PRKG1: variants seen among roughly 807,000 people sequenced by gnomAD.
The protein encoded by PRKG1 is cGMP-dependent protein kinase 1.
A neutral mutation model predicts 88.1 loss-of-function variants in PRKG1; 35 were observed. That is an observed-to-expected ratio of 0.40 (90% confidence interval 0.30 to 0.53). PRKG1 has a LOEUF of 0.53. Ranked by LOEUF, PRKG1 falls within the 20% of genes least tolerant of loss-of-function variation. PRKG1 has a pLI of 0.59. For synonymous variants in PRKG1, 303 were observed against 292.5 expected (o/e 1.04, Z -0.37); for missense variants, 540 against 839.8 (o/e 0.64, Z 4.41).
chr10:51,009,593 G>C (rs1240716654), intron 1 of PRKG1, among the ~76,000 whole-genome samples: 1 of 152,118 alleles, frequency 6.6e-6, no homozygotes, highest in South Asian at 2.1e-4. Flanking sequence ...TGAGCTAGTT[G>C]AATAGTCTTA....
chr10:52,175,947 C>T (rs1417160866), intron 9 of PRKG1, among the ~76,000 whole-genome samples: 1 of 152,016 alleles, frequency 6.6e-6, no homozygotes, highest in Non-Finnish European at 1.5e-5. Flanking sequence ...TTTAAGTTAT[C>T]TTTTCACTCT....
Position 51,992,492 on chromosome 10 carries a change from A to AT in PRKG1, c.763-61983dup, listed in dbSNP as rs147993421. ...GTAAGACCTCCGTAAGAACTATAACATTTTTTTTTCCTATTCCCACTTCCC... is the reference window on the plus strand; with the variant it reads ...GTAAGACCTCCGTAAGAACTATAACATTTTTTTTTTCCTATTCCCACTTCCC... On this transcript the variant is annotated intron_variant, in intron 5 of 17. Coordinates refer to ENST00000373980, the MANE Select transcript of PRKG1 (RefSeq NM_006258.4). Among the ~76,000 whole-genome samples, 1,299 of 151,420 alleles carry AT rather than the reference A, an allele frequency of 8.6e-3. 16 individuals are homozygous for AT. Among genetic ancestry groups the AT allele is most frequent in the African/African-American group, 0.029 (1,196 of 41,266 alleles).
intron 2 of PRKG1, among the ~76,000 whole-genome samples, chr10:51,288,723 A>G (rs1252874205): frequency 5.9e-5 from 9 of 152,226 alleles, no homozygotes; most frequent in African/African-American, 1.9e-4. Flanking sequence ...TGAAAAGATT[A>G]CAAAAATGAA....
chr10:51,418,964 G>A (rs887313184), intron 2 of PRKG1, among the ~76,000 whole-genome samples: 12 of 152,232 alleles, frequency 7.9e-5, no homozygotes, highest in East Asian at 3.9e-4. Context: ...TTTTGGGGGC[G>A]AAAGTAATAT....
At chr10:52,278,540 C>T (rs547573938) in intron 12 of PRKG1, among the ~76,000 whole-genome samples, 99 of 152,224 alleles carry the variant, frequency 6.5e-4, no homozygotes, top group Non-Finnish European at 1.0e-3. Context: ...TTCACAATAG[C>T]AAAGACTTGG....
At chr10:52,172,434 A>G (rs550009257) in intron 9 of PRKG1, among the ~76,000 whole-genome samples, 2 of 152,308 alleles carry the variant, frequency 1.3e-5, no homozygotes, top group East Asian at 1.9e-4. Flanking sequence ...TTCTGTGGAT[A>G]CTTTGGTCCT....
chr10:51,100,999 C>A (rs1374583628), intron 1 of PRKG1, among the ~76,000 whole-genome samples: 1 of 152,062 alleles, frequency 6.6e-6, no homozygotes, highest in African/African-American at 2.4e-5. Context: ...AAGTTTTCAC[C>A]AAGGGAGTCT....
intron 17 of PRKG1, among the ~76,000 whole-genome samples, chr10:52,290,727 G>T (rs1341064544): frequency 6.6e-6 from 1 of 151,872 alleles, no homozygotes; most frequent in East Asian, 1.9e-4. Context: ...GTGCTGATGT[G>T]CACCTATAGT....
intron 7 of PRKG1, among the ~76,000 whole-genome samples, chr10:52,110,457 T>C (rs1847536548): frequency 1.3e-5 from 2 of 151,934 alleles, no homozygotes; most frequent in Admixed American, 6.6e-5. Flanking sequence ...GTCTTTTGTT[T>C]TTAGAAAGAT....
intron 5 of PRKG1, among the ~76,000 whole-genome samples, chr10:51,987,740 A>G (rs1206282092): frequency 1.3e-5 from 2 of 152,038 alleles, no homozygotes; most frequent in Non-Finnish European, 2.9e-5. Flanking sequence ...AATATCTCCC[A>G]TAATTTCATG....
At chr10:52,104,624 C>G (rs1847372558) in intron 7 of PRKG1, among the ~76,000 whole-genome samples, 2 of 152,084 alleles carry the variant, frequency 1.3e-5, no homozygotes, top group Non-Finnish European at 2.9e-5. Context: ...ATACATGGTG[C>G]AAAGAGATGG....
At position 52,155,865 on chromosome 10, in the gene PRKG1, A is replaced by G. The variant is rs150798589; in HGVS notation, c.1002-6024A>G. Among the ~76,000 whole-genome samples, 8 of 152,142 alleles carry G rather than the reference A, an allele frequency of 5.3e-5. No homozygotes were observed. In the East Asian group the frequency reaches 1.4e-3, roughly 26 times the overall value. On this transcript the variant is annotated intron_variant, in intron 8 of 17. Coordinates refer to ENST00000373980, the MANE Select transcript of PRKG1 (RefSeq NM_006258.4). ...AGACTGATTTATATGGACATATTAG[A>G]CATGGAAACTTGATCACCACTAAGT...
intron 1 of PRKG1, among the ~76,000 whole-genome samples, chr10:51,024,913 G>C (rs1343586338): frequency 6.6e-6 from 1 of 152,128 alleles, no homozygotes; most frequent in Non-Finnish European, 1.5e-5. Context: ...GTTACCATTT[G>C]ACATGAGATT....
chr10:52,191,895 T>C (rs1839372350), intron 9 of PRKG1, among the ~76,000 whole-genome samples: 1 of 152,186 alleles, frequency 6.6e-6, no homozygotes, highest in Non-Finnish European at 1.5e-5. Flanking sequence ...CATCTATTAA[T>C]TGGAATTCTT....
At chr10:52,010,659 G>T (rs1205651229) in intron 5 of PRKG1, among the ~76,000 whole-genome samples, 1 of 152,132 alleles carries the variant, frequency 6.6e-6, no homozygotes, top group Non-Finnish European at 1.5e-5. Flanking sequence ...GCAGATGGAA[G>T]ACCTCAAATA....
At chr10:52,068,911 A>G (rs1846426643) in intron 7 of PRKG1, among the ~76,000 whole-genome samples, 1 of 148,022 alleles carries the variant, frequency 6.8e-6, no homozygotes, top group African/African-American at 2.4e-5. Flanking sequence ...TCCACCTGGA[A>G]CAGACCCCTG....
intron 3 of PRKG1, chr10:51,695,969 A>G (rs775214253): frequency 5.9e-5 from 9 of 152,148 alleles, no homozygotes; most frequent in Non-Finnish European, 1.2e-4. Context: ...TATGATACCA[A>G]CATTTATGTT....
chr10:51,924,828 T>A (rs913845729), intron 5 of PRKG1, among the ~76,000 whole-genome samples: 5 of 151,900 alleles, frequency 3.3e-5, no homozygotes, highest in Admixed American at 2.0e-4. Context: ...GTCTACTGAT[T>A]GGCCCATCAA....
intron 3 of PRKG1, among the ~76,000 whole-genome samples, chr10:51,750,347 G>A (rs1715428201): frequency 1.3e-5 from 2 of 152,022 alleles, no homozygotes; most frequent in African/African-American, 4.8e-5. Context: ...TTTGCATGTG[G>A]ACATAAGAAA....
Sources: gnomAD v4.1 joint callset for allele counts (sites outside exome capture counted in the v4.1 genomes callset) on GRCh38, gnomAD v4.1.1 for gene constraint, MANE v1.5 for transcripts, NCBI Gene and HGNC (gene_info 2026-07-23, HGNC 2026-07-21) for gene names.